Variants in NDUFA10 observed in about 807,000 individuals in gnomAD.
The protein encoded by NDUFA10 is NADH:ubiquinone oxidoreductase subunit A10.
A neutral mutation model predicts 47.8 loss-of-function variants in NDUFA10; 40 were observed. The observed-to-expected ratio is 0.84, with a 90% confidence interval of 0.65 to 1.09. The LOEUF is 1.09. Ranked by LOEUF, NDUFA10 falls within the 50% of genes least tolerant of loss-of-function variation. NDUFA10 has a pLI of 0.00. For missense variants in NDUFA10, 413 were observed against 451.1 expected (o/e 0.92, Z 0.76); for synonymous variants, 183 against 172.2 (o/e 1.06, Z -0.49).
At chr2:239,994,044 G>C (rs948017705) in intron 8 of NDUFA10, among the ~76,000 whole-genome samples, 1 of 152,122 alleles carries the variant, frequency 6.6e-6, no homozygotes, top group Non-Finnish European at 1.5e-5. Flanking sequence ...TCTCCTCCTT[G>C]TAAAATGAGG....
intron 9 of NDUFA10, among the ~76,000 whole-genome samples, chr2:239,965,182 T>C (rs1695008901): frequency 6.6e-6 from 1 of 152,050 alleles, no homozygotes; most frequent in South Asian, 2.1e-4. Context: ...CAGTGGCCAT[T>C]AATTGTCTCG....
At chr2:239,996,214 A>G (rs55949038) in intron 8 of NDUFA10, among the ~76,000 whole-genome samples, 17,970 of 151,822 alleles carry the variant, frequency 0.12, 1,244 homozygotes, top group South Asian at 0.15. Context: ...TGACATTTAT[A>G]CAACACTCCA....
intron 4 of NDUFA10, among the ~76,000 whole-genome samples, chr2:239,949,943 G>A (rs1694523752): frequency 6.6e-6 from 1 of 152,174 alleles, no homozygotes; most frequent in Non-Finnish European, 1.5e-5. Flanking sequence ...CCTGGTCTCA[G>A]GAGAGCCCTG....
intron 4 of NDUFA10, among the ~76,000 whole-genome samples, chr2:239,907,824 T>G (rs1401568774): frequency 1.3e-5 from 2 of 152,338 alleles, no homozygotes; most frequent in Admixed American, 6.5e-5. Flanking sequence ...TCAACCATTG[T>G]GGAAGACAGT....
At chr2:239,910,834 C>T (rs747091652) in intron 4 of NDUFA10, among the ~76,000 whole-genome samples, 3 of 150,956 alleles carry the variant, frequency 2.0e-5, no homozygotes, top group East Asian at 1.9e-4. Flanking sequence ...CCACCTTGCC[C>T]ACCATGGCAG....
chr2:240,012,321 A>G (rs568380046), intron 5 of NDUFA10: 2 of 163,640 alleles, frequency 1.2e-5, no homozygotes, highest in African/African-American at 4.8e-5. Flanking sequence ...TGTTTTCTTC[A>G]CATCATTTAC....
At chr2:239,914,991 T>C (rs1484037078) in intron 4 of NDUFA10, among the ~76,000 whole-genome samples, 1 of 126,474 alleles carries the variant, frequency 7.9e-6, no homozygotes, top group Non-Finnish European at 1.6e-5. Flanking sequence ...CACACACAAA[T>C]ATATAGACAC....
chr2:239,951,275 G>A (rs907486319), intron 4 of NDUFA10, among the ~76,000 whole-genome samples: 6 of 152,214 alleles, frequency 3.9e-5, no homozygotes, highest in Non-Finnish European at 7.3e-5. Context: ...AGGGCCACAC[G>A]CTCCTGTGCT....
At chr2:239,930,748 A>C (rs1334783499) in intron 4 of NDUFA10, among the ~76,000 whole-genome samples, 1 of 152,010 alleles carries the variant, frequency 6.6e-6, no homozygotes, top group Admixed American at 6.6e-5. Flanking sequence ...GCAGGCATGG[A>C]GGCCCCGGTG....
At position 239,942,534 on chromosome 2, in the gene NDUFA10, C is replaced by T. The variant is rs577777406; in HGVS notation, c.295-47220G>A. On this transcript the variant is annotated intron_variant, in intron 4 of 5. Coordinates refer to the NDUFA10 transcript ENST00000419408. The stretch of plus-strand genomic sequence containing the variant: ...TTCCTGAGGTCTGACATCTTATTTT[C>T]ATTTCTTAGTCTTATACGTTGTTGA... Among the ~76,000 whole-genome samples the T allele has an allele frequency of 3.3e-5, 5 of 152,326 alleles. No individual in the cohort carries two copies. In the East Asian group the frequency reaches 7.7e-4, roughly 23 times the overall value.
chr2:240,017,755 C>T, intron 4 of NDUFA10: 2 of 1,390,702 alleles, frequency 1.4e-6, no homozygotes, highest in Non-Finnish European at 2.0e-6. Flanking sequence ...AGGTGGAGTA[C>T]CGGCAACACC....
downstream of NDUFA10, among the ~76,000 whole-genome samples, chr2:239,955,979 G>A (rs545062858): frequency 1.6e-4 from 24 of 152,230 alleles, no homozygotes; most frequent in African/African-American, 5.1e-4. Context: ...AGGCAGGGGC[G>A]ACAGCAGGGA....
intron 9 of NDUFA10, among the ~76,000 whole-genome samples, chr2:239,974,263 A>G (rs1695420856): frequency 6.6e-6 from 1 of 152,326 alleles, no homozygotes; most frequent in Middle Eastern, 3.4e-3. Context: ...TGGATTCCTG[A>G]GGCATCAGTG....
intron 7 of NDUFA10, among the ~76,000 whole-genome samples, chr2:240,006,874 G>A (rs897026045): frequency 6.6e-6 from 1 of 152,158 alleles, no homozygotes; most frequent in African/African-American, 2.4e-5. Flanking sequence ...GAGGGCAAAT[G>A]TTCTTTCGTT....
chr2:239,956,331 C>T (rs189148159), downstream of NDUFA10, among the ~76,000 whole-genome samples: 2 of 152,332 alleles, frequency 1.3e-5, no homozygotes, highest in African/African-American at 2.4e-5. Flanking sequence ...TCGTCACACA[C>T]GGGATGAGGC....
intron 8 of NDUFA10, among the ~76,000 whole-genome samples, chr2:239,997,062 G>A (rs78003400): frequency 2.5e-4 from 38 of 151,784 alleles, no homozygotes; most frequent in Middle Eastern, 3.4e-3. Flanking sequence ...TTTTATTGCT[G>A]TGTTATTTTT....
At chr2:240,025,139 G>C in intron 1 of NDUFA10, 88 bp downstream of exon 1, 1 of 1,185,596 alleles carries the variant, frequency 8.4e-7, no homozygotes, top group African/African-American at 1.6e-5. Flanking sequence ...GCCGCCGCCA[G>C]AGGCCGGGGG....
intron 4 of NDUFA10, among the ~76,000 whole-genome samples, chr2:239,940,754 G>A (rs1370032553): frequency 6.6e-6 from 1 of 152,216 alleles, no homozygotes; most frequent in Non-Finnish European, 1.5e-5. Flanking sequence ...AAATCAATAT[G>A]CAAGTGAAGG....
In NDUFA10 at chr2:239,944,728, C is replaced by T. The variant is rs150707703; in HGVS notation, c.294+45346G>A. On this transcript the variant is annotated intron_variant, in intron 4 of 5. Coordinates refer to the NDUFA10 transcript ENST00000419408. ...GTGCAGCTCGACAGCCCCTGGTGGT[C>T]CCAGGGCCTCTGCTCGCTCGTTAGC... 9.2e-5 allele frequency among the ~76,000 whole-genome samples: 14 copies of T among 152,292 alleles called. No homozygotes were observed. The East Asian group carries it at 2.5e-3, about 27-fold the overall frequency.
Sources: gnomAD v4.1 joint callset for allele counts (sites outside exome capture counted in the v4.1 genomes callset) on GRCh38, gnomAD v4.1.1 for gene constraint, MANE v1.5 for transcripts, NCBI Gene and HGNC (gene_info 2026-07-23, HGNC 2026-07-21) for gene names.